Variants in BABAM2 observed in about 807,000 individuals in gnomAD.
BABAM2 encodes BRISC and BRCA1-A complex member 2.
In BABAM2, 31 loss-of-function variants were observed where a neutral mutation model predicts 54.7. The ratio of observed to expected loss-of-function variants is 0.57; its 90% confidence interval spans 0.43 to 0.77. BABAM2 has a LOEUF of 0.77. BABAM2 is among the 30% of genes least tolerant of loss of function. The pLI, the probability that BABAM2 is intolerant of heterozygous loss-of-function variation, is 0.00. For missense variants in BABAM2, 364 were observed against 455.8 expected (o/e 0.80, Z 1.83); for synonymous variants, 167 against 162.9 (o/e 1.03, Z -0.19).
intron 7 of BABAM2, among the ~76,000 whole-genome samples, chr2:28,166,760 G>A (rs1673723260): frequency 2.0e-5 from 3 of 152,090 alleles, no homozygotes. Context: ...TTCCTTTGTT[G>A]CCAGCCCTAG....
chr2:28,318,437 A>G (rs560292859), intron 11 of BABAM2, among the ~76,000 whole-genome samples: 2 of 152,332 alleles, frequency 1.3e-5, no homozygotes, highest in African/African-American at 4.8e-5. Context: ...AGCTGCAAAT[A>G]TTGATTATCT....
intron 3 of BABAM2, among the ~76,000 whole-genome samples, chr2:27,982,949 C>A (rs1317769934): frequency 6.6e-6 from 1 of 151,800 alleles, no homozygotes; most frequent in East Asian, 1.9e-4. Context: ...TACTCTTTGG[C>A]TATTGTGAAT....
At chr2:28,251,637 C>G (rs1325220250) in intron 10 of BABAM2, among the ~76,000 whole-genome samples, 1 of 152,186 alleles carries the variant, frequency 6.6e-6, no homozygotes, top group East Asian at 1.9e-4. Context: ...ATGGCTACTA[C>G]ATAAATCGGT....
chr2:28,311,204 T>C (rs1010603224), intron 11 of BABAM2, among the ~76,000 whole-genome samples: 4 of 144,732 alleles, frequency 2.8e-5, no homozygotes, highest in African/African-American at 1.0e-4. Flanking sequence ...GAGCTTGCAG[T>C]GAGCCGAGAT....
At chr2:27,981,821 T>C (rs563462894) in intron 3 of BABAM2, among the ~76,000 whole-genome samples, 5 of 152,278 alleles carry the variant, frequency 3.3e-5, no homozygotes, top group African/African-American at 1.2e-4. Flanking sequence ...ACAAACAATG[T>C]GCAAGTTTTT....
At chr2:28,234,423 C>T (rs1040937946) in intron 7 of BABAM2, among the ~76,000 whole-genome samples, 1 of 151,926 alleles carries the variant, frequency 6.6e-6, no homozygotes, top group African/African-American at 2.4e-5. Flanking sequence ...GGCTGTATTT[C>T]GGAATGACAC....
chr2:28,179,611 CT>C (rs1488501543), intron 7 of BABAM2, among the ~76,000 whole-genome samples: 1 of 152,118 alleles, frequency 6.6e-6, no homozygotes, highest in East Asian at 1.9e-4. Context: ...CAACATGGTA[CT>C]GGAAGTCCTA....
intron 11 of BABAM2, among the ~76,000 whole-genome samples, chr2:28,302,005 C>T (rs1688145195): frequency 6.6e-6 from 1 of 152,168 alleles, no homozygotes; most frequent in Admixed American, 6.5e-5. Context: ...TGTTCTGTAT[C>T]ACCCTGTCTT....
At chr2:28,077,659 G>A (rs573050786) in intron 6 of BABAM2, among the ~76,000 whole-genome samples, 11 of 152,112 alleles carry the variant, frequency 7.2e-5, no homozygotes, top group African/African-American at 2.4e-4. Flanking sequence ...AGAATTTCTA[G>A]CAATACCATG....
chr2:28,253,528 C>T (rs79107689), intron 10 of BABAM2, among the ~76,000 whole-genome samples: 2,253 of 152,134 alleles, frequency 0.015, 47 homozygotes, highest in African/African-American at 0.052. Flanking sequence ...ACCCATTTTA[C>T]AAATAACAAA....
chr2:27,989,785 T>C (rs184321902), intron 4 of BABAM2, among the ~76,000 whole-genome samples: 3 of 152,292 alleles, frequency 2.0e-5, no homozygotes, highest in African/African-American at 7.2e-5. Context: ...AAAAAAGTCA[T>C]GTTTACAACT....
At chr2:28,178,229 C>T (rs1675227433) in intron 7 of BABAM2, among the ~76,000 whole-genome samples, 1 of 152,082 alleles carries the variant, frequency 6.6e-6, no homozygotes, top group Non-Finnish European at 1.5e-5. Context: ...GAACATTTTC[C>T]AGGATAGACC....
At chr2:28,141,698 C>T (rs1671077083) in intron 7 of BABAM2, among the ~76,000 whole-genome samples, 1 of 152,186 alleles carries the variant, frequency 6.6e-6, no homozygotes, top group Non-Finnish European at 1.5e-5. Flanking sequence ...TCATGTTGTT[C>T]ACAGCACTGG....
At chr2:28,085,930 A>G (rs542325914) in intron 6 of BABAM2, among the ~76,000 whole-genome samples, 38 of 152,294 alleles carry the variant, frequency 2.5e-4, no homozygotes, top group Admixed American at 1.6e-3. Flanking sequence ...GAAAAAATGT[A>G]ATTAATCTGA....
intron 7 of BABAM2, among the ~76,000 whole-genome samples, chr2:28,209,554 G>T (rs994756092): frequency 2.0e-5 from 3 of 152,234 alleles, no homozygotes; most frequent in Admixed American, 2.0e-4. Flanking sequence ...AGGAGGGGAG[G>T]CCTGCCAGAT....
intron 6 of BABAM2, among the ~76,000 whole-genome samples, chr2:28,060,119 A>C (rs1404164174): frequency 2.6e-5 from 4 of 152,216 alleles, no homozygotes; most frequent in Non-Finnish European, 5.9e-5. Flanking sequence ...TAACAAACTC[A>C]AAAGAATGAT....
At chr2:28,289,710 G>A (rs1285275002) in intron 10 of BABAM2, among the ~76,000 whole-genome samples, 1 of 152,188 alleles carries the variant, frequency 6.6e-6, no homozygotes, top group East Asian at 1.9e-4. Context: ...AGAATAGCTT[G>A]AAGCTGGAAG....
At chr2:28,031,271 CT>C (rs1341589757) in intron 5 of BABAM2, among the ~76,000 whole-genome samples, 3 of 152,272 alleles carry the variant, frequency 2.0e-5, no homozygotes, top group African/African-American at 7.2e-5. Flanking sequence ...GGGTATAACT[CT>C]TACCAGCCTC....
chr2:28,141,851 G>A (rs1417187772), intron 7 of BABAM2, among the ~76,000 whole-genome samples: 8 of 152,162 alleles, frequency 5.3e-5, no homozygotes, highest in Admixed American at 1.3e-4. Flanking sequence ...CAATGTGGAT[G>A]GGGGGTATGT....
Sources: allele counts gnomAD v4.1 joint callset (sites outside exome capture counted in the v4.1 genomes callset), GRCh38; gene constraint gnomAD v4.1.1; transcripts MANE v1.5; gene names NCBI Gene and HGNC (gene_info 2026-07-23, HGNC 2026-07-21).